FIGN: variants seen among roughly 807,000 people sequenced by gnomAD.
The protein encoded by FIGN is fidgetin.
In FIGN, 11 loss-of-function variants were observed where a neutral mutation model predicts 51.3. The ratio of observed to expected loss-of-function variants is 0.21; its 90% CI spans 0.13 to 0.35. The LOEUF is 0.35. FIGN is among the 10% of genes least tolerant of loss of function. FIGN has a pLI of 1.00. For missense variants in FIGN, 857 were observed against 943.6 expected, an observed-to-expected ratio of 0.91 and a Z score of 1.20; for synonymous variants, 407 against 363.2, an observed-to-expected ratio of 1.12 and a Z score of -1.37.
At chr2:163,685,020 C>T (rs1249405026) in intron 2 of FIGN, among the ~76,000 whole-genome samples, 1 of 150,398 alleles carries the variant, frequency 6.6e-6, no homozygotes, top group Admixed American at 6.7e-5. Flanking sequence ...CTACTGACCT[C>T]GTGATTCACC....
At chr2:163,693,196 G>A (rs1684264424) in intron 2 of FIGN, among the ~76,000 whole-genome samples, 1 of 152,068 alleles carries the variant, frequency 6.6e-6, no homozygotes, top group Non-Finnish European at 1.5e-5. Context: ...TCCACAACTG[G>A]CATAGGCCCT....
At chr2:163,626,182 G>A (rs1006143235) in intron 2 of FIGN, among the ~76,000 whole-genome samples, 1 of 152,254 alleles carries the variant, frequency 6.6e-6, no homozygotes, top group Admixed American at 6.5e-5. Flanking sequence ...GAATTACAAA[G>A]TAGAGAAGAA....
intron 2 of FIGN, among the ~76,000 whole-genome samples, chr2:163,614,430 G>A (rs190530931): frequency 6.6e-6 from 1 of 152,282 alleles, no homozygotes; most frequent in Admixed American, 6.5e-5. Context: ...GAATATTAAT[G>A]TGACTGTAAT....
intron 2 of FIGN, among the ~76,000 whole-genome samples, chr2:163,637,110 A>G (rs1489108166): frequency 6.6e-6 from 1 of 152,162 alleles, no homozygotes; most frequent in Non-Finnish European, 1.5e-5. Context: ...AACACAGAGC[A>G]TCATTTATTC....
At chr2:163,682,463 C>T (rs530802280) in intron 2 of FIGN, among the ~76,000 whole-genome samples, 1 of 152,298 alleles carries the variant, frequency 6.6e-6, no homozygotes, top group South Asian at 2.1e-4. Context: ...TGGCAAAAGT[C>T]ATGCACTTCA....
chr2:163,635,398 T>C (rs1409988207), intron 2 of FIGN, among the ~76,000 whole-genome samples: 1 of 152,052 alleles, frequency 6.6e-6, no homozygotes, highest in Non-Finnish European at 1.5e-5. Flanking sequence ...TAAGACCTCA[T>C]CTCTACAAAA....
chr2:163,647,949 A>G (rs1683408730), intron 2 of FIGN, among the ~76,000 whole-genome samples: 1 of 152,132 alleles, frequency 6.6e-6, no homozygotes, highest in Non-Finnish European at 1.5e-5. Context: ...ACAAGGTGTA[A>G]TAGATAGATT....
chr2:163,618,500 G>T (rs1243680681), intron 2 of FIGN, among the ~76,000 whole-genome samples: 1 of 151,112 alleles, frequency 6.6e-6, no homozygotes, highest in Non-Finnish European at 1.5e-5. Flanking sequence ...CTCTTACAGA[G>T]AAATTGCAAT....
In FIGN at chr2:163,610,636, A is replaced by G; in HGVS notation, c.1196T>C (p.Leu399Pro). 6.2e-7 allele frequency: 1 copy of G among 1,614,244 alleles called. No individual in the cohort carries two copies. Among genetic ancestry groups the G allele is most frequent in the Non-Finnish European group, 8.5e-7 (1 of 1,180,036 alleles). Residue 399 changes from leucine (L) to proline (P), a missense_variant, in exon 3 of 3, where the codon CTG becomes CCG. Leu to Pro is a moderately conservative substitution (Grantham distance 98, BLOSUM62 -3). Coordinates refer to ENST00000333129, the MANE Select transcript of FIGN (RefSeq NM_018086.4). ...RKFSSQSSRA[L>P]TPPSYSTAKN... ...AGCAGTACTGTAGGAAGGAGGGGTC[A>G]GAGCCCTACTGGACTGGCTGCTGAA...
chr2:163,624,708 A>ATATATATTTT (rs564288395), intron 2 of FIGN, among the ~76,000 whole-genome samples: 105 of 145,482 alleles, frequency 7.2e-4, no homozygotes, highest in African/African-American at 2.5e-3. Context: ...ATATATATAT[A>ATATATATTTT]TTTTTTTTTT....
intron 2 of FIGN, among the ~76,000 whole-genome samples, chr2:163,638,234 A>G (rs754274272): frequency 6.6e-6 from 1 of 151,910 alleles, no homozygotes; most frequent in Non-Finnish European, 1.5e-5. Context: ...TTGTATGAGC[A>G]GGAATCTTTA....
In FIGN at chr2:163,603,166, G is replaced by T. The variant is rs1400240088; in HGVS notation, c.*6386C>A. On this transcript the variant is annotated 3_prime_UTR_variant, in exon 3 of 3. Transcript: ENST00000333129. ...CTTGTCATTTTTTTCCAAGAGAAAT[G>T]GATTGTTTCATTTTTAATGAGTGCA... 1.3e-5 allele frequency: 2 copies of T among 152,078 alleles called. No homozygotes were observed. Among genetic ancestry groups the T allele is most frequent in the Admixed American group, 6.6e-5 (1 of 15,258 alleles). The allele number at this position is 152,078 out of a possible 1,614,324, so 9.4% of individuals were successfully genotyped here. A position where few individuals can be genotyped will look rare whatever the true frequency, so the allele number is the denominator to read the frequency against.
rs558228665 is a variant in FIGN at position 163,706,623 on chromosome 2, TAC to T, written c.25+28278_25+28279del. ...TGAAACTAAAGTATACTGATTAAAATACACAATTCATATCTTTGCATATCATC... is the reference window on the plus strand; with the variant it reads ...TGAAACTAAAGTATACTGATTAAAATACAATTCATATCTTTGCATATCATC... On this transcript the variant is annotated intron_variant, in intron 2 of 2. Transcript: ENST00000333129. Among the ~76,000 whole-genome samples the T allele has an allele frequency of 8.9e-4, 136 of 152,286 alleles. 1 individual carries two copies. The highest frequency in any genetic ancestry group is 3.1e-3 in the African/African-American group (127 of 41,566).
At chr2:163,711,576 C>G (rs1243719647) in intron 2 of FIGN, among the ~76,000 whole-genome samples, 3 of 150,618 alleles carry the variant, frequency 2.0e-5, no homozygotes, top group African/African-American at 7.3e-5. Flanking sequence ...GCCATGTAAC[C>G]TGCAGTTCCT....
At chr2:163,625,313 T>C (rs1324893720) in intron 2 of FIGN, among the ~76,000 whole-genome samples, 4 of 152,002 alleles carry the variant, frequency 2.6e-5, no homozygotes, top group African/African-American at 9.7e-5. Flanking sequence ...ATTAAAAAAA[T>C]GGACATTCTG....
intron 2 of FIGN, among the ~76,000 whole-genome samples, chr2:163,657,500 C>CTGTGTGTGTGTGTGTGTG (rs72033079): frequency 6.1e-5 from 9 of 147,424 alleles, no homozygotes; most frequent in South Asian, 4.4e-4. Flanking sequence ...CAGAGGGAGT[C>CTGTGTGTGTGTGTGTGTG]TGTGTGTGTG....
rs572853167 is a variant in FIGN, at chr2:163,604,200, T to G, written c.*5352A>C. 6.6e-6 allele frequency: 1 copy of G among 152,188 alleles called. No individual in the cohort carries two copies. The highest frequency in any genetic ancestry group is 1.9e-4 in the East Asian group (1 of 5,184). 9.4% of individuals were successfully genotyped at this position (152,188 alleles called of 1,614,324 possible). A position where few individuals can be genotyped will look rare whatever the true frequency, so the allele number is the denominator to read the frequency against. On this transcript the variant is annotated 3_prime_UTR_variant, in exon 3 of 3. Coordinates refer to ENST00000333129, the MANE Select transcript of FIGN (RefSeq NM_018086.4). ...TTAAGTACCATTATTTCTCTTAAAT[T>G]TAGGAGCTGAGGGTGTCAGTCAAAA...
chr2:163,651,765 G>C (rs1227484269), intron 2 of FIGN, among the ~76,000 whole-genome samples: 1 of 152,126 alleles, frequency 6.6e-6, no homozygotes, highest in Non-Finnish European at 1.5e-5. Flanking sequence ...GGAGATAAAA[G>C]ACTTTTGAAA....
intron 2 of FIGN, among the ~76,000 whole-genome samples, chr2:163,686,736 A>T (rs1326474818): frequency 6.6e-6 from 1 of 151,088 alleles, no homozygotes; most frequent in Non-Finnish European, 1.5e-5. Context: ...CAAATCATAT[A>T]CCTGTGTTTA....
Sources: gnomAD v4.1 joint callset for allele counts (sites outside exome capture counted in the v4.1 genomes callset) on GRCh38, gnomAD v4.1.1 for gene constraint, MANE v1.5 for transcripts, NCBI Gene and HGNC (gene_info 2026-07-23, HGNC 2026-07-21) for gene names.